The following CABP1 variants were observed in gnomAD, a reference collection of about 807,000 sequenced individuals.
CABP1 encodes calcium binding protein 1, also known as calcium-binding protein 1.
CABP1 carries 17 observed loss-of-function variants against 34.3 expected under a neutral mutation model. That is an observed-to-expected ratio of 0.50 (90% CI 0.34 to 0.74). The LOEUF is 0.74. Ranked by LOEUF, CABP1 falls within the 30% of genes least tolerant of loss-of-function variation. CABP1 has a pLI of 0.01. For synonymous variants in CABP1, 198 were observed against 229.2 expected (o/e 0.86, Z 1.23); for missense variants, 373 against 511.1 (o/e 0.73, Z 2.61).
At chr12:120,654,772 G>T (rs1422276082) in intron 1 of CABP1, among the ~76,000 whole-genome samples, 2 of 152,260 alleles carry the variant, frequency 1.3e-5, no homozygotes, top group Non-Finnish European at 2.9e-5. Flanking sequence ...TGAATGTTGT[G>T]TCTGGAAGCT....
intron 1 of CABP1, among the ~76,000 whole-genome samples, chr12:120,643,794 G>A (rs118175661): frequency 6.5e-4 from 98 of 151,052 alleles, no homozygotes; most frequent in African/African-American, 2.3e-3. Flanking sequence ...AATGAGATAC[G>A]GAGAGATAGA....
intron 1 of CABP1, among the ~76,000 whole-genome samples, chr12:120,653,669 G>A (rs1049303416): frequency 1.3e-5 from 2 of 152,184 alleles, no homozygotes; most frequent in African/African-American, 4.8e-5. Context: ...AAGTAGCTGG[G>A]ATTATGGGTG....
At chr12:120,671,458 CTTTT>C (rs1881249799), downstream of CABP1, among the ~76,000 whole-genome samples, 1 of 152,094 alleles carries the variant, frequency 6.6e-6, no homozygotes, top group Non-Finnish European at 1.5e-5. Context: ...GAGTGTGGCC[CTTTT>C]GGGAAACTAA....
At chr12:120,673,891 T>C in the CABP1 span, among the ~76,000 whole-genome samples, 3 of 152,270 alleles carry the variant, frequency 2.0e-5, no homozygotes, top group African/African-American at 7.2e-5. Flanking sequence ...GCATCGTAAA[T>C]GTTTTTGCTG....
chr12:120,676,565 T>C, the CABP1 span, among the ~76,000 whole-genome samples: 1 of 151,766 alleles, frequency 6.6e-6, no homozygotes, highest in East Asian at 1.9e-4. Context: ...GTAGCTGGGA[T>C]TACAGGCATG....
chr12:120,649,554 C>G (rs1879713327), intron 1 of CABP1, among the ~76,000 whole-genome samples: 1 of 152,182 alleles, frequency 6.6e-6, no homozygotes, highest in African/African-American at 2.4e-5. Flanking sequence ...TCGAAGAGCG[C>G]TTCGTAAAGG....
intron 1 of CABP1, among the ~76,000 whole-genome samples, chr12:120,651,372 T>G (rs1317855135): frequency 2.0e-5 from 3 of 152,338 alleles, no homozygotes; most frequent in Admixed American, 1.3e-4. Context: ...GTTTTTGTTT[T>G]TGCAAAAATT....
At chr12:120,664,502 C>T (rs1156702335) in intron 5 of CABP1, among the ~76,000 whole-genome samples, 1 of 152,176 alleles carries the variant, frequency 6.6e-6, no homozygotes, top group African/African-American at 2.4e-5. Flanking sequence ...TTGGAAACAA[C>T]CAAGGTGTCC....
chr12:120,664,790 G>A (rs546907387), intron 5 of CABP1, among the ~76,000 whole-genome samples: 687 of 151,924 alleles, frequency 4.5e-3, no homozygotes, highest in African/African-American at 0.016. Context: ...ACACAGAATC[G>A]CTTGAACCCG....
chr12:120,647,509 C>T (rs1000351842), intron 1 of CABP1, among the ~76,000 whole-genome samples: 9 of 150,300 alleles, frequency 6.0e-5, no homozygotes, highest in African/African-American at 1.5e-4. Flanking sequence ...CCACCATGCC[C>T]GGCCCAGGAT....
rs563991752 is a variant in CABP1 at position 120,649,430 on chromosome 12, C to G, written c.654+8091C>G. Reference sequence around the variant, plus strand: ...GGACACTTGCACGCGGGGAATCTGGCTGGGGCTGTAGGTCTCAAACCGGAC... The same window carrying G: ...GGACACTTGCACGCGGGGAATCTGGGTGGGGCTGTAGGTCTCAAACCGGAC... On this transcript the variant is annotated intron_variant, in intron 1 of 5. Transcript: ENST00000316803. 5.8e-4 allele frequency among the ~76,000 whole-genome samples: 88 copies of G among 152,276 alleles called. 2 individuals carry two copies. In the South Asian group the frequency reaches 0.016, roughly 28 times the overall value.
chr12:120,655,712 T>C, intron 1 of CABP1: 1 of 1,434,660 alleles, frequency 7.0e-7, no homozygotes, highest in South Asian at 1.5e-5. Context: ...GGATGTTGTC[T>C]CATTAGGCTC....
rs1037821207 is a variant in CABP1 at position 120,647,138 on chromosome 12, G to T, written c.654+5799G>T. Among the ~76,000 whole-genome samples, 8 of 152,190 alleles carry T rather than the reference G, an allele frequency of 5.3e-5. No individual in the cohort carries two copies. In the East Asian group the frequency reaches 1.5e-3, roughly 29 times the overall value. On this transcript the variant is annotated intron_variant, in intron 1 of 5. Transcript: ENST00000316803. The stretch of plus-strand genomic sequence containing the variant: ...GGGGCAGGAACCACCAGATTTGACT[G>T]AGTTGATGCCCTGCTGAATAAATGG...
At chr12:120,680,674 T>C in the CABP1 span, among the ~76,000 whole-genome samples, 1 of 152,182 alleles carries the variant, frequency 6.6e-6, no homozygotes, top group Non-Finnish European at 1.5e-5. Context: ...TCAGACTCCA[T>C]GCCTTCTGCA....
At chr12:120,676,722 C>T in the CABP1 span, among the ~76,000 whole-genome samples, 5 of 152,108 alleles carry the variant, frequency 3.3e-5, no homozygotes, top group East Asian at 1.9e-4. Flanking sequence ...CCACCGCACC[C>T]GGTCAGCTTT....
chr12:120,660,472 T>C lies in CABP1; in HGVS notation c.829+133T>C. 1.0e-6 allele frequency: 1 copy of C among 999,898 alleles called. No homozygotes were observed. The highest frequency in any genetic ancestry group is 1.5e-6 in the Non-Finnish European group (1 of 687,040). The allele number at this position is 999,898 out of a possible 1,614,324, so 61.9% of individuals were successfully genotyped here. On this transcript the variant is annotated intron_variant, in intron 3 of 5. Coordinates refer to ENST00000316803, the MANE Select transcript of CABP1 (RefSeq NM_001033677.2). This position sits in a 1 kb window ranked among gnomAD's most constrained non-coding sequence, Gnocchi z 5.0. The stretch of plus-strand genomic sequence containing the variant: ...GTGATCTGGGGCCAACCACTTACCC[T>C]CTCTGAGCCTCAGTTTCCTCACCTG...
chr12:120,655,830 CGT>C (rs746144300), intron 1 of CABP1: 3,304 of 837,444 alleles, frequency 3.9e-3, no homozygotes, highest in Admixed American at 0.023. Flanking sequence ...TGCGTGCGTG[CGT>C]GTGTGTGTGT....
chr12:120,660,339 CGTGA>C lies in CABP1; in HGVS notation c.829+3_829+6del. On this transcript the variant is annotated splice_donor_variant and splice_donor_region_variant and intron_variant, in intron 3 of 5. Coordinates refer to ENST00000316803, the MANE Select transcript of CABP1 (RefSeq NM_001033677.2). LOFTEE classifies it high-confidence loss of function. The surrounding 1 kb of genome is among the most constrained non-coding windows in gnomAD (Gnocchi z 5.0). ...ACTGTCCCAGCAGATCAACATGAAC[CGTGA>C]GTCCCTCTACCAGGCATCTGCGTCC... 6.2e-7 allele frequency: 1 copy of C among 1,612,432 alleles called. No homozygotes were observed. The highest frequency in any genetic ancestry group is 8.5e-7 in the Non-Finnish European group (1 of 1,179,760).
rs1457312639 is a variant in CABP1 at position 120,660,130 on chromosome 12, G to T, written c.686-66G>T. ...TTCCATGCCGGTGGGCCTTTGGGCT[G>T]CCTTTGCCCACAGAGGCTCTGCGGG... On this transcript the variant is annotated intron_variant, in intron 2 of 5. Coordinates refer to ENST00000316803, the MANE Select transcript of CABP1 (RefSeq NM_001033677.2). This position sits in a 1 kb window ranked among gnomAD's most constrained non-coding sequence, Gnocchi z 5.0. 9.4e-6 allele frequency: 15 copies of T among 1,591,762 alleles called. No individual in the cohort carries two copies. Among genetic ancestry groups the T allele is most frequent in the Non-Finnish European group, 1.3e-5 (15 of 1,166,030 alleles).
Sources: allele counts gnomAD v4.1 joint callset (sites outside exome capture counted in the v4.1 genomes callset), GRCh38; gene constraint gnomAD v4.1.1; non-coding constraint Gnocchi (gnomAD v3.1); transcripts MANE v1.5; gene names NCBI Gene and HGNC (gene_info 2026-07-23, HGNC 2026-07-21).